Variants in NAA15 observed in about 807,000 individuals in gnomAD.
NAA15 encodes N-alpha-acetyltransferase 15, NatA auxiliary subunit.
NAA15 carries 34 observed loss-of-function variants against 114.0 expected under a neutral mutation model. The observed-to-expected ratio is 0.30, with a 90% CI of 0.23 to 0.40. The LOEUF (loss-of-function observed/expected upper bound fraction) is 0.40, where lower values mean the gene tolerates loss of function less well. Ranked by LOEUF, NAA15 falls within the 10% of genes least tolerant of loss-of-function variation. The pLI, the probability that NAA15 is intolerant of heterozygous loss-of-function variation, is 1.00. For synonymous variants in NAA15, 340 were observed against 338.0 expected, an observed-to-expected ratio of 1.01 and a Z score of -0.06; for missense variants, 658 against 1,004.5, an observed-to-expected ratio of 0.66 and a Z score of 4.66.
chr4:139,328,159 ACT>A (rs750418800), intron 1 of NAA15, among the ~76,000 whole-genome samples: 13 of 149,410 alleles, frequency 8.7e-5, no homozygotes, highest in East Asian at 7.9e-4. Flanking sequence ...AATCTGCTTT[ACT>A]CTTATCTGGG....
At chr4:139,312,996 T>C (rs1014087868) in intron 1 of NAA15, among the ~76,000 whole-genome samples, 15 of 151,994 alleles carry the variant, frequency 9.9e-5, no homozygotes, top group African/African-American at 3.6e-4. Context: ...AAATTTCTAC[T>C]GAAACACCTT....
intron 16 of NAA15, among the ~76,000 whole-genome samples, chr4:139,378,104 T>C (rs1748640404): frequency 6.6e-6 from 1 of 152,146 alleles, no homozygotes; most frequent in South Asian, 2.1e-4. Context: ...AACTTTGACA[T>C]TGGGAAAATG....
intron 1 of NAA15, among the ~76,000 whole-genome samples, chr4:139,333,318 T>C (rs1436424660): frequency 1.3e-5 from 2 of 152,232 alleles, no homozygotes; most frequent in Non-Finnish European, 2.9e-5. Flanking sequence ...ATATTTGTCT[T>C]CTAGATTTCA....
At chr4:139,358,216 A>G (rs998728866) in intron 11 of NAA15, among the ~76,000 whole-genome samples, 6 of 150,950 alleles carry the variant, frequency 4.0e-5, no homozygotes, top group African/African-American at 1.5e-4. Flanking sequence ...AGAGAGAGAA[A>G]GAGTCTCACT....
chr4:139,358,447 T>C (rs1748033015), intron 11 of NAA15, among the ~76,000 whole-genome samples: 1 of 152,114 alleles, frequency 6.6e-6, no homozygotes, highest in Admixed American at 6.6e-5. Flanking sequence ...CCACCTGTTT[T>C]GGCCTCCCAA....
Position 139,357,494 on chromosome 4 carries a change from C to G in NAA15, c.1196C>G (p.Thr399Ser). ...TCTATTGCTTTGGAGTACATAAATA[C>G]TGCTATTGAAAGTACACCTACATTA... ...QPSIALEYIN[T>S]AIESTPTLIE... Residue 399 changes from threonine (T) to serine (S), a missense_variant, in exon 11 of 20, where the codon ACT becomes AGT. Transcript: ENST00000296543. 2 of 1,612,220 alleles carry G rather than the reference C, an allele frequency of 1.2e-6. No individual in the cohort carries two copies. Among genetic ancestry groups the G allele is most frequent in the Non-Finnish European group, 1.7e-6 (2 of 1,178,374 alleles).
intron 1 of NAA15, among the ~76,000 whole-genome samples, chr4:139,306,784 A>G (rs1350550435): frequency 3.3e-5 from 5 of 152,150 alleles, no homozygotes; most frequent in Non-Finnish European, 5.9e-5. Flanking sequence ...GGTAGGAAAA[A>G]TGAGGTTGCC....
chr4:139,344,151 T>C, intron 5 of NAA15, 35 bp from the exon 6 acceptor site: 2 of 1,516,694 alleles, frequency 1.3e-6, no homozygotes, highest in Non-Finnish European at 1.8e-6. Flanking sequence ...GAAAATAAAA[T>C]TCTTACTGTC....
chr4:139,307,196 T>G (rs1010731763), intron 1 of NAA15, among the ~76,000 whole-genome samples: 15 of 152,232 alleles, frequency 9.9e-5, no homozygotes, highest in Non-Finnish European at 2.9e-5. Context: ...CACTGCACAG[T>G]AGAATTTTCT....
intron 1 of NAA15, among the ~76,000 whole-genome samples, chr4:139,310,586 C>A (rs1746190574): frequency 2.0e-5 from 3 of 151,626 alleles, no homozygotes. Flanking sequence ...AGGACTTCTG[C>A]TCAGATGTCC....
At chr4:139,332,938 G>T (rs545183824) in intron 1 of NAA15, among the ~76,000 whole-genome samples, 1 of 152,172 alleles carries the variant, frequency 6.6e-6, no homozygotes, top group African/African-American at 2.4e-5. Context: ...TTGGTTCCAG[G>T]ATCTCCCTTG....
intron 17 of NAA15, among the ~76,000 whole-genome samples, chr4:139,380,621 A>G (rs1748723295): frequency 6.6e-6 from 1 of 152,218 alleles, no homozygotes; most frequent in African/African-American, 2.4e-5. Flanking sequence ...AGTTAGAATT[A>G]CTGAGTATCT....
chr4:139,348,008 C>T (rs1362919923), intron 6 of NAA15, among the ~76,000 whole-genome samples: 1 of 144,996 alleles, frequency 6.9e-6, no homozygotes, highest in Non-Finnish European at 1.5e-5. Flanking sequence ...GTCCGCAGTC[C>T]GGCCTGGGCG....
intron 1 of NAA15, among the ~76,000 whole-genome samples, chr4:139,316,425 GTCT>G (rs1746413183): frequency 6.6e-6 from 1 of 151,468 alleles, no homozygotes; most frequent in African/African-American, 2.4e-5. Flanking sequence ...TTGTAATTTA[GTCT>G]TCATTTAAGT....
chr4:139,357,613 C>A, intron 11 of NAA15, 58 bp downstream of exon 11: 1 of 1,143,310 alleles, frequency 8.7e-7, no homozygotes, highest in Non-Finnish European at 1.2e-6. Context: ...TGAACTTTTT[C>A]TCTGTATTTT....
Position 139,349,186 on chromosome 4 carries a change from G to GT in NAA15, c.692-276_692-275insT, listed in dbSNP as rs151290114. On this transcript the variant is annotated intron_variant, in intron 6 of 19. Transcript: ENST00000296543. ...GAAGATGGCTTGGTGACAGTGTGTT[G>GT]AGTGAATGTGAGAATCTGGCCGGGC... Among the ~76,000 whole-genome samples, 1,292 of 152,280 alleles carry GT rather than the reference G, an allele frequency of 8.5e-3. 20 individuals are homozygous for GT. Among genetic ancestry groups the GT allele is most frequent in the African/African-American group, 0.03 (1,238 of 41,550 alleles).
chr4:139,312,481 A>G (rs1396552018), intron 1 of NAA15, among the ~76,000 whole-genome samples: 1 of 151,922 alleles, frequency 6.6e-6, no homozygotes, highest in Non-Finnish European at 1.5e-5. Context: ...CCTAGGTAAG[A>G]TAGGAAATTA....
intron 1 of NAA15, among the ~76,000 whole-genome samples, chr4:139,317,345 C>A (rs12639816): frequency 1.3e-5 from 2 of 151,948 alleles, no homozygotes; most frequent in Non-Finnish European, 2.9e-5. Context: ...GATCGTGGGC[C>A]GGGCGCGGTG....
At chr4:139,324,462 T>TG (rs1309531477) in intron 1 of NAA15, among the ~76,000 whole-genome samples, 1 of 152,178 alleles carries the variant, frequency 6.6e-6, no homozygotes, top group Non-Finnish European at 1.5e-5. Context: ...AATGTAGACC[T>TG]GTATTTCTGT....
Sources: allele counts gnomAD v4.1 joint callset (sites outside exome capture counted in the v4.1 genomes callset), GRCh38; gene constraint gnomAD v4.1.1; transcripts MANE v1.5; gene names NCBI Gene and HGNC (gene_info 2026-07-23, HGNC 2026-07-21).